ANKH: variants seen among roughly 807,000 people sequenced by gnomAD.
The protein encoded by ANKH is mineralization regulator ANKH.
ANKH carries 15 observed loss-of-function variants against 49.0 expected under a neutral mutation model. The ratio of observed to expected loss-of-function variants is 0.31; its 90% confidence interval spans 0.20 to 0.47. ANKH has a LOEUF of 0.47. ANKH is among the 20% of genes least tolerant of loss of function. The pLI is 1.00. For missense variants in ANKH, 429 were observed against 652.0 expected, an observed-to-expected ratio of 0.66 and a Z score of 3.72; for synonymous variants, 273 against 260.0, an observed-to-expected ratio of 1.05 and a Z score of -0.48.
intron 1 of ANKH, among the ~76,000 whole-genome samples, chr5:14,780,896 G>A (rs1739785602): frequency 6.6e-6 from 1 of 152,206 alleles, no homozygotes; most frequent in African/African-American, 2.4e-5. Flanking sequence ...ACTGACCATT[G>A]TAGTAGACGA....
At chr5:14,831,266 G>C (rs890132222) in intron 1 of ANKH, among the ~76,000 whole-genome samples, 5 of 152,088 alleles carry the variant, frequency 3.3e-5, no homozygotes, top group Non-Finnish European at 7.4e-5. Context: ...TCCTATTGGA[G>C]GAATTCTATA....
At chr5:14,739,533 A>C (rs1193712908) in intron 8 of ANKH, among the ~76,000 whole-genome samples, 1 of 152,262 alleles carries the variant, frequency 6.6e-6, no homozygotes, top group Non-Finnish European at 1.5e-5. Flanking sequence ...AGGATGGTGT[A>C]CATGAGACCC....
chr5:14,866,674 CTTCTA>C (rs1735654896), intron 1 of ANKH, among the ~76,000 whole-genome samples: 1 of 152,078 alleles, frequency 6.6e-6, no homozygotes. Context: ...GACCAAGTGA[CTTCTA>C]AATAACTTTA....
chr5:14,817,946 C>A (rs907435182), intron 1 of ANKH, among the ~76,000 whole-genome samples: 2 of 152,058 alleles, frequency 1.3e-5, no homozygotes, highest in African/African-American at 4.8e-5. Context: ...GGCCTGTAGT[C>A]CTAGCTACTC....
intron 1 of ANKH, chr5:14,871,067 T>G (rs2126640025): frequency 1.8e-6 from 1 of 541,762 alleles, no homozygotes; most frequent in Non-Finnish European, 3.5e-6. Flanking sequence ...TAATCGCAAA[T>G]TACATAATAC....
chr5:14,722,772 G>C (rs1737709118), intron 8 of ANKH, among the ~76,000 whole-genome samples: 2 of 152,136 alleles, frequency 1.3e-5, no homozygotes, highest in African/African-American at 4.8e-5. Context: ...GGGTGGAGCA[G>C]ACCTTCCTGC....
In ANKH at chr5:14,715,124, G is replaced by C. The variant is rs1165076172; in HGVS notation, c.1142-1457C>G. Among the ~76,000 whole-genome samples, 4 of 152,328 alleles carry C rather than the reference G, an allele frequency of 2.6e-5. No individual in the cohort carries two copies. In the East Asian group the frequency reaches 7.7e-4, roughly 29 times the overall value. On this transcript the variant is annotated intron_variant, in intron 9 of 11. Transcript: ENST00000284268. ...GCCCTGGCCTACCTGGGGCTCCATG[G>C]CTCCTTTCTTTTTCTTTTTGTTTTG...
chr5:14,752,969 G>C (rs759568741), intron 4 of ANKH, among the ~76,000 whole-genome samples: 1 of 152,192 alleles, frequency 6.6e-6, no homozygotes, highest in Non-Finnish European at 1.5e-5. Flanking sequence ...GAAGCTTCTC[G>C]TTGCTGTGTT....
intron 9 of ANKH, among the ~76,000 whole-genome samples, chr5:14,716,360 G>A (rs1188048917): frequency 6.6e-6 from 1 of 152,182 alleles, no homozygotes; most frequent in African/African-American, 2.4e-5. Context: ...GGGTATGGTG[G>A]TGGGTGCCTG....
chr5:14,737,627 C>T lies in ANKH; in HGVS notation c.1011+4200G>A, dbSNP rs575531131. Among the ~76,000 whole-genome samples, 9 of 152,372 alleles carry T rather than the reference C, an allele frequency of 5.9e-5. No individual in the cohort carries two copies. The highest frequency in any genetic ancestry group is 2.1e-4 in the South Asian group (1 of 4,828). ...GACACCTTGCATGGCGAGGCTGCGA[C>T]GCAGTCTCCTTTGCGTGGCTGCAAC... On this transcript the variant is annotated intron_variant, in intron 8 of 11. Coordinates refer to ENST00000284268, the MANE Select transcript of ANKH (RefSeq NM_054027.6). The surrounding 1 kb of genome is among the most constrained non-coding windows in gnomAD (Gnocchi z 5.0).
chr5:14,798,847 A>G (rs914119312), intron 1 of ANKH, among the ~76,000 whole-genome samples: 10 of 152,176 alleles, frequency 6.6e-5, no homozygotes, highest in African/African-American at 2.4e-4. Context: ...AAATTGGGCC[A>G]ATTAATAACC....
intron 1 of ANKH, among the ~76,000 whole-genome samples, chr5:14,855,132 G>C (rs1192908939): frequency 6.6e-6 from 1 of 152,068 alleles, no homozygotes; most frequent in Non-Finnish European, 1.5e-5. Flanking sequence ...TACTGGATCC[G>C]TCTTGCTTTC....
chr5:14,729,872 G>A (rs979873024), intron 8 of ANKH, among the ~76,000 whole-genome samples: 2 of 152,202 alleles, frequency 1.3e-5, no homozygotes, highest in Non-Finnish European at 2.9e-5. Flanking sequence ...CTTCTCTGAT[G>A]CCGCTGCTCT....
At chr5:14,746,427 T>A (rs1738545647) in intron 6 of ANKH, among the ~76,000 whole-genome samples, 1 of 152,076 alleles carries the variant, frequency 6.6e-6, no homozygotes, top group Admixed American at 6.5e-5. Context: ...TTGTGCTCAG[T>A]CAGTTCCTGG....
intron 1 of ANKH, among the ~76,000 whole-genome samples, chr5:14,801,463 T>TA (rs1194792269): frequency 6.6e-6 from 1 of 152,202 alleles, no homozygotes; most frequent in East Asian, 1.9e-4. Context: ...GTGCTGTGTA[T>TA]AAAAAACTCT....
intron 8 of ANKH, among the ~76,000 whole-genome samples, chr5:14,722,982 A>G (rs1394005089): frequency 1.3e-5 from 2 of 152,088 alleles, no homozygotes; most frequent in South Asian, 2.1e-4. Context: ...AGTCTTAATC[A>G]TAAGACAAAC....
chr5:14,718,369 A>T (rs2126419523), intron 8 of ANKH, among the ~76,000 whole-genome samples: 1 of 152,296 alleles, frequency 6.6e-6, no homozygotes, highest in African/African-American at 2.4e-5. Context: ...AGGAGGTCAA[A>T]ACTATGGAAA....
At chr5:14,853,087 C>A (rs939195611) in intron 1 of ANKH, among the ~76,000 whole-genome samples, 6 of 152,064 alleles carry the variant, frequency 3.9e-5, no homozygotes, top group Admixed American at 1.3e-4. Flanking sequence ...TAAAACTAAG[C>A]CCTTGGCACC....
chr5:14,716,983 A>G (rs968219762), intron 8 of ANKH, 148 bp from the exon 9 acceptor site: 2 of 962,238 alleles, frequency 2.1e-6, no homozygotes, highest in South Asian at 1.4e-5. Flanking sequence ...CAGATCTGCC[A>G]CCTGCTTGCT....
Sources: allele counts gnomAD v4.1 joint callset (sites outside exome capture counted in the v4.1 genomes callset), GRCh38; gene constraint gnomAD v4.1.1; non-coding constraint Gnocchi (gnomAD v3.1); transcripts MANE v1.5; gene names NCBI Gene and HGNC (gene_info 2026-07-23, HGNC 2026-07-21).